The following CFAP45 variants were observed in gnomAD, a reference collection of about 807,000 sequenced individuals.
The protein encoded by CFAP45 is cilia- and flagella-associated protein 45.
A neutral mutation model predicts 75.6 loss-of-function variants in CFAP45; 43 were observed. The observed-to-expected ratio is 0.57, with a 90% CI of 0.45 to 0.73. The LOEUF is 0.73. Ranked by LOEUF, CFAP45 falls within the 30% of genes least tolerant of loss-of-function variation. The probability of loss-of-function intolerance (pLI) is 0.00; values close to 1 mark genes in which losing one functional copy is unlikely to be tolerated. For missense variants in CFAP45, 689 were observed against 701.5 expected, an observed-to-expected ratio of 0.98 and a Z score of 0.20; for synonymous variants, 223 against 244.6, an observed-to-expected ratio of 0.91 and a Z score of 0.82.
intron 6 of CFAP45, among the ~76,000 whole-genome samples, chr1:159,885,005 C>T (rs1649642734): frequency 6.6e-6 from 1 of 152,122 alleles, no homozygotes; most frequent in Non-Finnish European, 1.5e-5. Context: ...TCAGTGATTC[C>T]CTATGTGTTA....
intron 6 of CFAP45, among the ~76,000 whole-genome samples, chr1:159,885,506 T>A (rs1571184630): frequency 6.6e-6 from 1 of 152,236 alleles, no homozygotes; most frequent in Non-Finnish European, 1.5e-5. Flanking sequence ...AATTCATGTA[T>A]TGTATGGTTG....
rs759693544 is a variant in CFAP45 at position 159,876,740 on chromosome 1, G to A, written c.1168C>T (p.Arg390Trp). The A allele has an allele frequency of 3.6e-5, 58 of 1,614,016 alleles. No individual in the cohort carries two copies. Among genetic ancestry groups the A allele is most frequent in the Middle Eastern group, 1.6e-4 (1 of 6,084 alleles). Residue 390 changes from arginine (R) to tryptophan (W), a missense_variant, in exon 10 of 12, where the codon CGG (arginine) becomes TGG (tryptophan). Transcript: ENST00000368099. ...QDYQAEQDAL[R>W]AKRNQEVADR... ...GCAACCTCCTGGTTGCGCTTGGCCC[G>A]CAAGGCATCCTGGGAATGTTGGCAG...
rs750884056 is a variant in CFAP45 at position 159,888,438 on chromosome 1, G to A, written c.331C>T (p.Arg111Ter). Residue 111 changes from arginine to a stop codon, truncating the protein, a stop_gained, in exon 4 of 12, where the codon CGA (arginine) becomes TGA (stop). Transcript: ENST00000368099. LOFTEE classifies it high-confidence loss of function. The stretch of plus-strand genomic sequence containing the variant: ...AGGACATGGGATGCCCATTTGATTC[G>A]CTCAAACTCCTCAGGGCTGATGATT... ...SLIISPEEFERIKWASHVLTR... is the reference protein window; with the variant it reads ...SLIISPEEFE 33 of 1,605,186 alleles carry A rather than the reference G, an allele frequency of 2.1e-5. No homozygotes were observed. Among genetic ancestry groups the A allele is most frequent in the South Asian group, 4.4e-5 (4 of 91,038 alleles).
At chr1:159,889,222 G>A (rs1371989906) in intron 3 of CFAP45, among the ~76,000 whole-genome samples, 6 of 150,006 alleles carry the variant, frequency 4.0e-5, no homozygotes, top group Non-Finnish European at 8.9e-5. Context: ...CAAACCAATC[G>A]CTAATTATAA....
chr1:159,887,213 G>A (rs554407017), intron 5 of CFAP45, among the ~76,000 whole-genome samples: 9 of 152,266 alleles, frequency 5.9e-5, no homozygotes, highest in African/African-American at 2.2e-4. Context: ...ACGGGCCCAT[G>A]AATAAGAACC....
At chr1:159,877,610 C>T (rs1444646685) in intron 8 of CFAP45, 148 bp from the exon 9 acceptor site, 2 of 668,300 alleles carry the variant, frequency 3.0e-6, no homozygotes, top group Non-Finnish European at 5.4e-6. Flanking sequence ...GGTGCCGTGG[C>T]TCATGCCTAT....
chr1:159,876,876 G>T, intron 9 of CFAP45, 127 bp from the exon 10 acceptor site: 1 of 888,308 alleles, frequency 1.1e-6, no homozygotes, highest in African/African-American at 1.7e-5. Flanking sequence ...AATTTCTCTG[G>T]CAGCTAGTTA....
At chr1:159,890,381 T>C in intron 3 of CFAP45, 99 bp downstream of exon 3, 1 of 1,116,064 alleles carries the variant, frequency 9.0e-7, no homozygotes, top group South Asian at 1.4e-5. Context: ...GGGATTGGAC[T>C]GACAGAATGA....
At position 159,888,488 on chromosome 1, in the gene CFAP45, G is replaced by A. The variant is rs145722573; in HGVS notation, c.281C>T (p.Thr94Ile). 4 of 1,584,472 alleles carry A rather than the reference G, an allele frequency of 2.5e-6. No individual in the cohort carries two copies. Among genetic ancestry groups the A allele is most frequent in the Non-Finnish European group, 2.6e-6 (3 of 1,154,844 alleles). The change falls in exon 4 of 12, where the codon ACA (threonine) becomes ATA (isoleucine). Residue 94 changes from threonine (T) to isoleucine (I), a missense_variant. Transcript: ENST00000368099. ...TAGGGACTCCCCGGAGGGATCCTCT[G>A]TGGGAACACTGTCACAAGAATAAAC... ...RDMVRELIVPTEDPSGESLII... is the reference protein window; with the variant it reads ...RDMVRELIVPIEDPSGESLII...
chr1:159,887,725 C>CGCCCCCCCCCA, intron 5 of CFAP45, 116 bp downstream of exon 5: 1 of 1,064,600 alleles, frequency 9.4e-7, no homozygotes, highest in East Asian at 2.4e-5. Flanking sequence ...AGCTCTCCCC[C>CGCCCCCCCCCA]GCCCCACCCC....
Position 159,893,895 on chromosome 1 carries a change from A to G in CFAP45, c.4-590T>C, listed in dbSNP as rs1221165194. On this transcript the variant is annotated intron_variant, in intron 1 of 11. Coordinates refer to ENST00000368099, the MANE Select transcript of CFAP45 (RefSeq NM_012337.3). ...AATGTATATTAATATACATGTATACAATAATATATATAAATATACATGTAT... is the reference window on the plus strand; with the variant it reads ...AATGTATATTAATATACATGTATACGATAATATATATAAATATACATGTAT... Among the ~76,000 whole-genome samples the G allele has an allele frequency of 3.3e-5, 5 of 151,020 alleles. No homozygotes were observed. The Admixed American group carries it at 3.3e-4, about 10-fold the overall frequency.
Position 159,880,714 on chromosome 1 carries a change from A to C in CFAP45, c.898-14T>G. 6.2e-7 allele frequency: 1 copy of C among 1,613,526 alleles called. No homozygotes were observed. Among genetic ancestry groups the C allele is most frequent in the Non-Finnish European group, 8.5e-7 (1 of 1,179,704 alleles). ...TCGTTCCATGTCCTGCCAGCAAAAG[A>C]AAGAGAGCCTCAGAGTACAAAGAGG... On this transcript the variant is annotated splice_polypyrimidine_tract_variant and intron_variant, in intron 7 of 11. Transcript: ENST00000368099.
chr1:159,892,967 A>C (rs1362564909), intron 2 of CFAP45, among the ~76,000 whole-genome samples: 1 of 152,146 alleles, frequency 6.6e-6, no homozygotes, highest in East Asian at 1.9e-4. Flanking sequence ...AAGACATGAG[A>C]GATTCTAGGG....
At chr1:159,873,225 A>G in intron 10 of CFAP45, 57 bp from the exon 11 acceptor site, 1 of 1,516,906 alleles carries the variant, frequency 6.6e-7, no homozygotes, top group South Asian at 1.1e-5. Flanking sequence ...AGGCCAGGAA[A>G]GGTGGTGGGG....
intron 8 of CFAP45, among the ~76,000 whole-genome samples, chr1:159,879,135 T>C (rs1320263543): frequency 2.0e-5 from 3 of 152,184 alleles, no homozygotes. Flanking sequence ...TACTCCTCTC[T>C]TGCTTAGAAA....
At chr1:159,886,079 C>A (rs183280926) in intron 6 of CFAP45, among the ~76,000 whole-genome samples, 4 of 152,200 alleles carry the variant, frequency 2.6e-5, no homozygotes, top group Admixed American at 2.6e-4. Context: ...GCCGGGCTCA[C>A]GCCTGTAATC....
At chr1:159,893,334 A>G in intron 1 of CFAP45, 29 bp from the exon 2 acceptor site, 2 of 1,610,222 alleles carry the variant, frequency 1.2e-6, no homozygotes, top group Non-Finnish European at 1.7e-6. Context: ...AGTTTGGGTC[A>G]TCAGTACTGA....
Position 159,878,762 on chromosome 1 carries a change from A to AATAAAAAAAT in CFAP45, c.1045-1301_1045-1300insATTTTTTTAT, listed in dbSNP as rs1649473105. 1.6e-5 allele frequency among the ~76,000 whole-genome samples: 2 copies of AATAAAAAAAT among 124,206 alleles called. 1 individual carries two copies. The highest frequency in any genetic ancestry group is 5.6e-5 in the African/African-American group (2 of 35,806). The allele number at this position is 124,206 out of a possible 152,430, so 81.5% of individuals were successfully genotyped here. Reference sequence around the variant, plus strand: ...AGAGCAAGACTACATCTAAAAAAAAAAAAAAAAAAAAAAAAAAAAACCTTC... The same window carrying AATAAAAAAAT: ...AGAGCAAGACTACATCTAAAAAAAAAATAAAAAAATAAAAAAAAAAAAAAAAAAAACCTTC... On this transcript the variant is annotated intron_variant, in intron 8 of 11. Coordinates refer to ENST00000368099, the MANE Select transcript of CFAP45 (RefSeq NM_012337.3).
In CFAP45 at chr1:159,887,883, C is replaced by T; in HGVS notation, c.546G>A (p.Lys182=). ...RAQNLLQRAN[K]LRMEQEEELK... ...GCTCCTCCTCCTGCTCCATCCGCAG[C>T]TTGTTGGCTCTCTGCAGGAGGTTCT... Residue 182 remains lysine, a synonymous_variant, in exon 5 of 12, where the codon AAG becomes AAA. Transcript: ENST00000368099. 1.2e-6 allele frequency: 2 copies of T among 1,614,168 alleles called. No homozygotes were observed. Among genetic ancestry groups the T allele is most frequent in the Non-Finnish European group, 8.5e-7 (1 of 1,179,996 alleles).
Sources: allele counts gnomAD v4.1 joint callset (sites outside exome capture counted in the v4.1 genomes callset), GRCh38; gene constraint gnomAD v4.1.1; transcripts MANE v1.5; gene names NCBI Gene and HGNC (gene_info 2026-07-23, HGNC 2026-07-21).